KRAS: variants seen among roughly 807,000 people sequenced by gnomAD.
KRAS encodes GTPase KRas.
In KRAS, 1 loss-of-function variant was observed where a neutral mutation model predicts 21.0. The observed-to-expected ratio is 0.05, with a 90% CI of 0.02 to 0.23. KRAS has a LOEUF of 0.23. KRAS is among the 10% of genes least tolerant of loss of function. KRAS has a pLI of 1.00. For missense variants in KRAS, 107 were observed against 221.8 expected, an observed-to-expected ratio of 0.48 and a Z score of 3.29; for synonymous variants, 67 against 72.5, an observed-to-expected ratio of 0.92 and a Z score of 0.39.
chr12:25,209,353 C>A lies in KRAS; in HGVS notation c.*442G>T. 1 of 602,550 alleles carries A rather than the reference C, an allele frequency of 1.7e-6. No individual in the cohort carries two copies. The allele number at this position is 602,550 out of a possible 1,614,324, so 37.3% of individuals were successfully genotyped here. On this transcript the variant is annotated 3_prime_UTR_variant, in exon 5 of 5. Coordinates refer to ENST00000311936, the MANE Select transcript of KRAS (RefSeq NM_004985.5). ...ATCAGGAAGCCCATAAATTTGTGTT[C>A]CCTCAATGTTTCAGTAAAAACCAAT...
intron 1 of KRAS, among the ~76,000 whole-genome samples, chr12:25,250,171 G>A (rs1014932354): frequency 6.6e-6 from 1 of 152,056 alleles, no homozygotes; most frequent in African/African-American, 2.4e-5. Context: ...TCCAAAACGT[G>A]ACCTCCCCTC....
chr12:25,238,772 G>A (rs1361457193), intron 2 of KRAS, among the ~76,000 whole-genome samples: 2 of 152,046 alleles, frequency 1.3e-5, no homozygotes, highest in East Asian at 1.9e-4. Context: ...TTGTATATAT[G>A]GACATACCAT....
At chr12:25,224,183 TAAAAAAAAAAAAA>T (rs5797121) in intron 4 of KRAS, among the ~76,000 whole-genome samples, 2 of 79,714 alleles carry the variant, frequency 2.5e-5, no homozygotes, top group African/African-American at 9.7e-5. Context: ...TCCTATTTAC[TAAAAAAAAAAAAA>T]AAAAAAAAAA....
At chr12:25,237,152 C>A (rs996501657) in intron 2 of KRAS, among the ~76,000 whole-genome samples, 3 of 152,106 alleles carry the variant, frequency 2.0e-5, no homozygotes, top group Admixed American at 6.5e-5. Context: ...CAAAAGGCCA[C>A]GTCTGTACGA....
At chr12:25,241,291 C>T (rs1288572428) in intron 2 of KRAS, among the ~76,000 whole-genome samples, 1 of 152,056 alleles carries the variant, frequency 6.6e-6, no homozygotes, top group African/African-American at 2.4e-5. Context: ...TAAATTGATG[C>T]CACCCATAAT....
At chr12:25,245,477 T>C in intron 1 of KRAS, 82 bp from the exon 2 acceptor site, 3 of 1,281,294 alleles carry the variant, frequency 2.3e-6, no homozygotes, top group Middle Eastern at 1.9e-4. Flanking sequence ...ACTCCACCAG[T>C]ACCTTTTAAT....
At chr12:25,244,620 C>T (rs1334963199) in intron 2 of KRAS, among the ~76,000 whole-genome samples, 1 of 151,882 alleles carries the variant, frequency 6.6e-6, no homozygotes, top group African/African-American at 2.4e-5. Flanking sequence ...TTTCATTAAA[C>T]TAAAAAAATC....
At chr12:25,224,428 A>G (rs1951365317) in intron 4 of KRAS, among the ~76,000 whole-genome samples, 1 of 152,106 alleles carries the variant, frequency 6.6e-6, no homozygotes, top group Non-Finnish European at 1.5e-5. Context: ...AAAGTTTAAT[A>G]AGTAAAAACA....
intron 2 of KRAS, among the ~76,000 whole-genome samples, chr12:25,227,990 A>G (rs1245515443): frequency 1.3e-5 from 2 of 152,158 alleles, no homozygotes; most frequent in Non-Finnish European, 2.9e-5. Context: ...AATGTAGTAT[A>G]TACATACAGT....
At chr12:25,232,783 A>G (rs1352315667) in intron 2 of KRAS, among the ~76,000 whole-genome samples, 1 of 152,096 alleles carries the variant, frequency 6.6e-6, no homozygotes, top group Admixed American at 6.6e-5. Context: ...ATAGTAAAAA[A>G]TTTTTCTAAA....
intron 4 of KRAS, among the ~76,000 whole-genome samples, chr12:25,217,901 AT>A (rs781130653): frequency 1.3e-5 from 2 of 152,126 alleles, no homozygotes; most frequent in African/African-American, 2.4e-5. Flanking sequence ...CTCTAAAAAA[AT>A]TTTTTTAATC....
rs1169193001 is a variant in KRAS at position 25,209,752 on chromosome 12, C to G, written c.*43G>C. 6.3e-7 allele frequency: 1 copy of G among 1,593,692 alleles called. No homozygotes were observed. The highest frequency in any genetic ancestry group is 2.3e-5 in the East Asian group (1 of 44,384). On this transcript the variant is annotated 3_prime_UTR_variant, in exon 5 of 5. Coordinates refer to ENST00000311936, the MANE Select transcript of KRAS (RefSeq NM_004985.5). The stretch of plus-strand genomic sequence containing the variant: ...AATTTAGTGTAATGTACAAAAATTA[C>G]CACTTGTACTAGTATGCCTTAAGAA...
chr12:25,226,129 TAAA>T, intron 3 of KRAS, among the ~76,000 whole-genome samples: 1 of 152,266 alleles, frequency 6.6e-6, no homozygotes, highest in Admixed American at 6.5e-5. Context: ...TGTGTAAAGA[TAAA>T]AAATATTTTA....
intron 2 of KRAS, 95 bp downstream of exon 2, chr12:25,245,179 T>C (rs978405906): frequency 1.5e-6 from 2 of 1,292,486 alleles, no homozygotes. Context: ...CATAATTATC[T>C]TGTAATAAGT....
chr12:25,225,460 T>A (rs938445528), intron 4 of KRAS, 154 bp downstream of exon 4: 8 of 741,024 alleles, frequency 1.1e-5, no homozygotes, highest in Admixed American at 4.6e-5. Context: ...GACACTGGAT[T>A]AAGAAGCAAT....
chr12:25,241,170 C>CTTAG (rs752344540), intron 2 of KRAS, among the ~76,000 whole-genome samples: 3 of 152,146 alleles, frequency 2.0e-5, no homozygotes, highest in Non-Finnish European at 4.4e-5. Context: ...TACTCACCTA[C>CTTAG]TTAGTTAGGC....
chr12:25,241,028 G>A (rs757503832), intron 2 of KRAS, among the ~76,000 whole-genome samples: 5 of 152,146 alleles, frequency 3.3e-5, no homozygotes, highest in Non-Finnish European at 7.4e-5. Flanking sequence ...CAGCTCCTGA[G>A]TGCATGCAAA....
intron 1 of KRAS, among the ~76,000 whole-genome samples, chr12:25,249,346 G>A (rs766514666): frequency 2.6e-5 from 4 of 152,092 alleles, no homozygotes; most frequent in African/African-American, 9.7e-5. Context: ...GCAGTGAGCC[G>A]AGACGGCGCC....
intron 2 of KRAS, among the ~76,000 whole-genome samples, chr12:25,235,624 C>T (rs1951535268): frequency 6.6e-6 from 1 of 152,092 alleles, no homozygotes; most frequent in South Asian, 2.1e-4. Flanking sequence ...ACAATGGTGG[C>T]ACACAGGAGA....
Sources: allele counts gnomAD v4.1 joint callset (sites outside exome capture counted in the v4.1 genomes callset), GRCh38; gene constraint gnomAD v4.1.1; transcripts MANE v1.5; gene names NCBI Gene and HGNC (gene_info 2026-07-23, HGNC 2026-07-21).